NCKAP5: variants seen among roughly 807,000 people sequenced by gnomAD.
NCKAP5 encodes the protein nck-associated protein 5.
In NCKAP5, 92 loss-of-function variants were observed where a neutral mutation model predicts 167.0. The ratio of observed to expected loss-of-function variants is 0.55; its 90% CI spans 0.47 to 0.66. The LOEUF (loss-of-function observed/expected upper bound fraction) is 0.66. Among genes scored for constraint, NCKAP5 ranks in the 30% least tolerant of loss-of-function variants. The pLI, the probability that NCKAP5 is intolerant of heterozygous loss-of-function variation, is 0.00. For missense variants in NCKAP5, 2,378 were observed against 2,315.0 expected (o/e 1.03, Z -0.56); for synonymous variants, 891 against 877.4 (o/e 1.02, Z -0.27).
At chr2:133,553,086 C>T (rs1012301112) in intron 2 of NCKAP5, among the ~76,000 whole-genome samples, 1 of 152,014 alleles carries the variant, frequency 6.6e-6, no homozygotes, top group Non-Finnish European at 1.5e-5. Flanking sequence ...TGATTACTTA[C>T]AAAAATACAC....
At chr2:133,336,258 C>G (rs1683200665) in intron 3 of NCKAP5, among the ~76,000 whole-genome samples, 1 of 151,998 alleles carries the variant, frequency 6.6e-6, no homozygotes, top group East Asian at 1.9e-4. Context: ...TAGGTAATTA[C>G]TATTATTATT....
intron 16 of NCKAP5, among the ~76,000 whole-genome samples, chr2:132,762,192 T>A (rs776840196): frequency 2.0e-5 from 3 of 150,350 alleles, no homozygotes; most frequent in Non-Finnish European, 3.0e-5. Context: ...ACAAGGCAAC[T>A]TACATAAAAC....
intron 7 of NCKAP5, among the ~76,000 whole-genome samples, chr2:132,979,421 C>T (rs956996550): frequency 6.6e-6 from 1 of 152,150 alleles, no homozygotes; most frequent in Non-Finnish European, 1.5e-5. Flanking sequence ...CACCCCATGC[C>T]CTAGTCACTT....
intron 19 of NCKAP5, among the ~76,000 whole-genome samples, chr2:132,699,831 T>C (rs1262872060): frequency 6.6e-6 from 1 of 152,220 alleles, no homozygotes; most frequent in Non-Finnish European, 1.5e-5. Context: ...TTATAATCCT[T>C]TGGGTATATA....
intron 4 of NCKAP5, among the ~76,000 whole-genome samples, chr2:133,280,284 G>T (rs1257213073): frequency 6.6e-6 from 1 of 152,192 alleles, no homozygotes; most frequent in African/African-American, 2.4e-5. Flanking sequence ...TGTCTGAAAT[G>T]GCTGCATAAG....
intron 19 of NCKAP5, among the ~76,000 whole-genome samples, chr2:132,688,334 G>T (rs913426931): frequency 1.3e-5 from 2 of 152,078 alleles, no homozygotes; most frequent in African/African-American, 2.4e-5. Context: ...ATTAAAAATT[G>T]TATAGAAAAC....
the NCKAP5 span, among the ~76,000 whole-genome samples, chr2:133,639,699 G>A: frequency 6.6e-6 from 1 of 152,232 alleles, no homozygotes; most frequent in South Asian, 2.1e-4. Flanking sequence ...GCCCATCAGT[G>A]CATCTCAAAG....
chr2:133,515,409 T>C (rs1195357781), intron 3 of NCKAP5, among the ~76,000 whole-genome samples: 1 of 152,164 alleles, frequency 6.6e-6, no homozygotes, highest in Non-Finnish European at 1.5e-5. Flanking sequence ...TTTCCCAATC[T>C]GGGCATGCAG....
intron 19 of NCKAP5, among the ~76,000 whole-genome samples, chr2:132,685,894 A>G (rs1685874923): frequency 6.6e-6 from 1 of 152,190 alleles, no homozygotes; most frequent in Non-Finnish European, 1.5e-5. Context: ...AGCTGAAGAC[A>G]CAGATCTTAA....
chr2:133,616,470 A>G, the NCKAP5 span, among the ~76,000 whole-genome samples: 1 of 151,174 alleles, frequency 6.6e-6, no homozygotes, highest in African/African-American at 2.4e-5. Context: ...TAAAGGGGAT[A>G]TCACCACCGA....
At chr2:133,236,694 T>C (rs930863397) in intron 4 of NCKAP5, among the ~76,000 whole-genome samples, 1 of 152,228 alleles carries the variant, frequency 6.6e-6, no homozygotes, top group African/African-American at 2.4e-5. Flanking sequence ...CAGGTTAACA[T>C]TGTTAGACAA....
At chr2:133,183,648 A>G (rs2084826596) in intron 5 of NCKAP5, among the ~76,000 whole-genome samples, 1 of 152,214 alleles carries the variant, frequency 6.6e-6, no homozygotes, top group African/African-American at 2.4e-5. Context: ...AAAGACTGAA[A>G]GTTTTCTCAC....
intron 19 of NCKAP5, among the ~76,000 whole-genome samples, chr2:132,706,049 TATATATACAC>T (rs1219522099): frequency 6.6e-6 from 1 of 152,170 alleles, no homozygotes; most frequent in African/African-American, 2.4e-5. Flanking sequence ...ACAACATACA[TATATATACAC>T]ATATACAAAT....
intron 8 of NCKAP5, among the ~76,000 whole-genome samples, chr2:132,914,346 A>C (rs1306420336): frequency 6.6e-6 from 1 of 152,154 alleles, no homozygotes; most frequent in East Asian, 1.9e-4. Context: ...ATTTGATGTT[A>C]AAATAATTCA....
At chr2:133,372,252 T>C (rs1000480637) in intron 3 of NCKAP5, among the ~76,000 whole-genome samples, 1 of 152,134 alleles carries the variant, frequency 6.6e-6, no homozygotes, top group Non-Finnish European at 1.5e-5. Context: ...TTGGGGTCAA[T>C]GAGGAGACTG....
At chr2:133,597,492 AC>A in the NCKAP5 span, among the ~76,000 whole-genome samples, 1 of 151,886 alleles carries the variant, frequency 6.6e-6, no homozygotes, top group Non-Finnish European at 1.5e-5. Flanking sequence ...ACAAGGTGAA[AC>A]CCTGTCTCTA....
chr2:132,830,114 T>C (rs1405001521), intron 11 of NCKAP5, among the ~76,000 whole-genome samples: 1 of 152,178 alleles, frequency 6.6e-6, no homozygotes, highest in African/African-American at 2.4e-5. Flanking sequence ...GAGGAACATT[T>C]CTAAAGTCTG....
chr2:133,602,204 A>G, the NCKAP5 span, among the ~76,000 whole-genome samples: 1 of 152,040 alleles, frequency 6.6e-6, no homozygotes, highest in Non-Finnish European at 1.5e-5. Flanking sequence ...AAGTGTAGAG[A>G]GCTCAGGGGA....
chr2:133,346,300 C>T (rs571701095), intron 3 of NCKAP5, among the ~76,000 whole-genome samples: 19 of 152,234 alleles, frequency 1.2e-4, no homozygotes, highest in African/African-American at 4.6e-4. Context: ...AGAATGGGGT[C>T]TATATGCAGG....
Sources: allele counts gnomAD v4.1 joint callset (sites outside exome capture counted in the v4.1 genomes callset), GRCh38; gene constraint gnomAD v4.1.1; transcripts MANE v1.5; gene names NCBI Gene and HGNC (gene_info 2026-07-23, HGNC 2026-07-21).